Variants in SRPRB observed in about 807,000 individuals in gnomAD.
SRPRB encodes the protein SRP receptor subunit beta.
SRPRB carries 20 observed loss-of-function variants against 31.9 expected under a neutral mutation model. The observed-to-expected ratio is 0.63, with a 90% confidence interval of 0.44 to 0.91. SRPRB has a LOEUF of 0.91. SRPRB is among the 40% of genes least tolerant of loss of function. SRPRB has a pLI of 0.00. For synonymous variants in SRPRB, 146 were observed against 132.8 expected, an observed-to-expected ratio of 1.10 and a Z score of -0.68; for missense variants, 321 against 324.9, an observed-to-expected ratio of 0.99 and a Z score of 0.09.
At chr3:133,800,182 G>A (rs567090472) in intron 1 of SRPRB, among the ~76,000 whole-genome samples, 1 of 152,296 alleles carries the variant, frequency 6.6e-6, no homozygotes, top group Non-Finnish European at 1.5e-5. Flanking sequence ...TCAGCAGATA[G>A]GGACCACCTA....
chr3:133,785,953 C>A (rs554375123), intron 1 of SRPRB: 2 of 44,056 alleles, frequency 4.5e-5, no homozygotes, highest in African/African-American at 1.5e-4. Context: ...TGTGTCCACT[C>A]AGGGTTAAAT....
At chr3:133,786,232 A>AAAAC (rs1934680597) in intron 1 of SRPRB, 3 of 77,140 alleles carry the variant, frequency 3.9e-5, no homozygotes, top group East Asian at 6.8e-4. Flanking sequence ...TAAAAAAAAA[A>AAAAC]AAAAAAAACA....
downstream of SRPRB, chr3:133,828,048 CT>C (rs1215065212): frequency 1.4e-6 from 1 of 699,912 alleles, no homozygotes; most frequent in East Asian, 2.7e-5. Flanking sequence ...ACAAGGTTGC[CT>C]GTACCCTCAA....
intron 5 of SRPRB, 107 bp from the exon 6 acceptor site, chr3:133,816,771 A>T: frequency 1.2e-6 from 1 of 813,824 alleles, no homozygotes; most frequent in Non-Finnish European, 1.9e-6. Flanking sequence ...TTTTAAAAAA[A>T]GAGAAAAACT....
downstream of SRPRB, among the ~76,000 whole-genome samples, chr3:133,822,743 G>C (rs942304070): frequency 2.0e-5 from 3 of 152,160 alleles, no homozygotes; most frequent in Admixed American, 1.3e-4. Context: ...AGCTTCAGTT[G>C]GCTCATGCCT....
rs1935437482 is a variant in SRPRB, at chr3:133,819,784, C to T, written c.*18C>T. 2 of 1,610,376 alleles carry T rather than the reference C, an allele frequency of 1.2e-6. No homozygotes were observed. Among genetic ancestry groups the T allele is most frequent in the Non-Finnish European group, 1.7e-6 (2 of 1,178,036 alleles). ...TTGCCTGAGAGGCAGCTCTAAAGCACAAGACCTGGATGTGTGACACACAGT... is the reference window on the plus strand; with the variant it reads ...TTGCCTGAGAGGCAGCTCTAAAGCATAAGACCTGGATGTGTGACACACAGT... On this transcript the variant is annotated 3_prime_UTR_variant, in exon 7 of 7. Coordinates refer to ENST00000678299, the MANE Select transcript of SRPRB (RefSeq NM_001379313.1).
At chr3:133,790,315 G>T (rs368459107) in intron 1 of SRPRB, 2 of 152,098 alleles carry the variant, frequency 1.3e-5, no homozygotes, top group African/African-American at 2.4e-5. Context: ...GCTTTTTAGC[G>T]TTTCACTAAA....
upstream of SRPRB, among the ~76,000 whole-genome samples, chr3:133,801,998 G>C (rs566461329): frequency 6.6e-6 from 1 of 152,312 alleles, no homozygotes; most frequent in South Asian, 2.1e-4. Flanking sequence ...CCAATTGCCT[G>C]GGATGAAGTC....
At chr3:133,794,491 A>C (rs759327234) in intron 1 of SRPRB, 1 of 152,244 alleles carries the variant, frequency 6.6e-6, no homozygotes, top group Non-Finnish European at 1.5e-5. Context: ...TTATGCCACC[A>C]AGTATTTTCA....
rs1935486851 is a variant in SRPRB, at chr3:133,784,998, G to A, written c.-174+854G>A. ...GCCGCCCCGTCCGGGAGGGAGGTGG[G>A]GGGGTCAGCCCCCCGCCCGGCCAGC... On this transcript the variant is annotated intron_variant, in intron 1 of 7. Transcript: ENST00000466490. 3 of 77,720 alleles carry A rather than the reference G, an allele frequency of 3.9e-5. 1 individual carries two copies. The highest frequency in any genetic ancestry group is 6.9e-5 in the African/African-American group (2 of 28,800). The allele number at this position is 77,720 out of a possible 1,614,324, so 4.8% of individuals were successfully genotyped here. A position where few individuals can be genotyped will look rare whatever the true frequency, so the allele number is the denominator to read the frequency against.
chr3:133,812,426 A>G (rs1224080236), intron 4 of SRPRB, among the ~76,000 whole-genome samples: 3 of 152,238 alleles, frequency 2.0e-5, no homozygotes, highest in East Asian at 3.8e-4. Flanking sequence ...TTCTATTGCC[A>G]GTTCTAAATA....
intron 1 of SRPRB, chr3:133,795,098 T>C (rs537594524): frequency 6.6e-6 from 1 of 152,344 alleles, no homozygotes; most frequent in South Asian, 2.1e-4. Flanking sequence ...GAAGAGTATC[T>C]GTGCAGCTGC....
At chr3:133,784,770 T>G (rs1576371934) in intron 1 of SRPRB, 1 of 152,134 alleles carries the variant, frequency 6.6e-6, no homozygotes, top group Admixed American at 6.5e-5. Flanking sequence ...GCCAAAGAGG[T>G]TGGGGACCAC....
rs1300602492 is a variant in SRPRB at position 133,820,697 on chromosome 3, G to C, written c.*931G>C. On this transcript the variant is annotated 3_prime_UTR_variant, in exon 7 of 7. Transcript: ENST00000678299. ...CCTTTTTGAAGTGATGTTTTTTGCT[G>C]TCTTCTTAAACACAAGGCTTTTTTG... 4 of 151,856 alleles carry C rather than the reference G, an allele frequency of 2.6e-5. No individual in the cohort carries two copies. The highest frequency in any genetic ancestry group is 5.9e-5 in the Non-Finnish European group (4 of 67,934). The allele number at this position is 151,856 out of a possible 1,614,324, so 9.4% of individuals were successfully genotyped here.
intron 1 of SRPRB, chr3:133,796,613 T>G (rs1342725711): frequency 6.6e-6 from 1 of 152,224 alleles, no homozygotes; most frequent in African/African-American, 2.4e-5. Context: ...TACTTTTGTT[T>G]TCAATAAACC....
At chr3:133,805,527 C>A, upstream of SRPRB, 1 of 238,010 alleles carries the variant, frequency 4.2e-6, no homozygotes, top group South Asian at 1.5e-4. Context: ...TCGGGAACTC[C>A]TCAGTGGTAG....
chr3:133,818,137 A>G (rs1197585916), intron 6 of SRPRB, among the ~76,000 whole-genome samples: 1 of 152,170 alleles, frequency 6.6e-6, no homozygotes, highest in Non-Finnish European at 1.5e-5. Context: ...TAGGTTAATA[A>G]GGACATTGGA....
At chr3:133,803,248 TTC>T (rs1277434766), upstream of SRPRB, among the ~76,000 whole-genome samples, 1 of 152,122 alleles carries the variant, frequency 6.6e-6, no homozygotes, top group Non-Finnish European at 1.5e-5. Flanking sequence ...CAAATGAAAC[TTC>T]TACACTTGAT....
downstream of SRPRB, chr3:133,824,173 T>G (rs1262582095): frequency 6.6e-6 from 1 of 152,236 alleles, no homozygotes; most frequent in African/African-American, 2.4e-5. Flanking sequence ...GAGCACACAC[T>G]TCAGGAACTG....
Sources: gnomAD v4.1 joint callset for allele counts (sites outside exome capture counted in the v4.1 genomes callset) on GRCh38, gnomAD v4.1.1 for gene constraint, MANE v1.5 for transcripts, NCBI Gene and HGNC (gene_info 2026-07-23, HGNC 2026-07-21) for gene names.